S100PBP: variants seen among roughly 807,000 people sequenced by gnomAD.
The protein encoded by S100PBP is S100P-binding protein.
In S100PBP, 15 loss-of-function variants were observed where a neutral mutation model predicts 39.9. The observed-to-expected ratio is 0.38, with a 90% CI of 0.25 to 0.58. The LOEUF is 0.58. Among genes scored for constraint, S100PBP ranks in the 20% least tolerant of loss-of-function variants. S100PBP has a pLI of 0.70. For missense variants in S100PBP, 504 were observed against 487.3 expected, an observed-to-expected ratio of 1.03 and a Z score of -0.32; for synonymous variants, 178 against 180.3, an observed-to-expected ratio of 0.99 and a Z score of 0.10.
chr1:32,849,760 A>G (rs1013158361), intron 5 of S100PBP, among the ~76,000 whole-genome samples: 138 of 152,294 alleles, frequency 9.1e-4, no homozygotes, highest in African/African-American at 3.1e-3. Context: ...CTCCCAGAAA[A>G]TTTTTTAAGG....
At chr1:32,850,256 A>G (rs999966941) in intron 5 of S100PBP, among the ~76,000 whole-genome samples, 1 of 152,204 alleles carries the variant, frequency 6.6e-6, no homozygotes, top group Non-Finnish European at 1.5e-5. Flanking sequence ...CAGAATTTCC[A>G]TATATTGCTA....
At chr1:32,848,553 A>G (rs1640480110) in intron 5 of S100PBP, among the ~76,000 whole-genome samples, 1 of 152,152 alleles carries the variant, frequency 6.6e-6, no homozygotes, top group African/African-American at 2.4e-5. Flanking sequence ...CTTCTAGGTC[A>G]TTATGTCATT....
upstream of S100PBP, chr1:32,817,334 C>T (rs976211342): frequency 4.5e-6 from 7 of 1,543,460 alleles, no homozygotes; most frequent in African/African-American, 9.5e-5. Flanking sequence ...AACTGTCACG[C>T]GAGTCCAGCC....
chr1:32,845,706 A>T (rs1640338409), intron 5 of S100PBP, among the ~76,000 whole-genome samples: 1 of 150,480 alleles, frequency 6.6e-6, no homozygotes, highest in African/African-American at 2.4e-5. Flanking sequence ...TTTAAGATAA[A>T]GCCTTGCTCT....
chr1:32,829,811 A>T (rs911488563), intron 4 of S100PBP, among the ~76,000 whole-genome samples, 153 bp from the exon 5 acceptor site: 1 of 152,100 alleles, frequency 6.6e-6, no homozygotes, highest in South Asian at 2.1e-4. Flanking sequence ...TTTGTGTATG[A>T]CTAATACTGT....
chr1:32,821,720 C>T (rs775818510), intron 1 of S100PBP, among the ~76,000 whole-genome samples: 10 of 151,252 alleles, frequency 6.6e-5, no homozygotes, highest in South Asian at 2.1e-4. Context: ...CTGCAACCTC[C>T]GCCTCCTGGG....
Position 32,858,384 on chromosome 1 carries a change from G to A in S100PBP, c.*2346G>A, listed in dbSNP as rs564446316. On this transcript the variant is annotated 3_prime_UTR_variant, in exon 7 of 7. Transcript: ENST00000373475. ...GCTTAATTAAATCTGTTGGACTGGG[G>A]GAGGAGAGAGCTGTTCTCTAGTGGT... The A allele has an allele frequency of 6.5e-6, 1 of 152,772 alleles. No homozygotes were observed. The highest frequency in any genetic ancestry group is 2.1e-4 in the South Asian group (1 of 4,832). The allele number at this position is 152,772 out of a possible 1,614,324, so 9.5% of individuals were successfully genotyped here.
At chr1:32,849,673 C>G (rs1640531349) in intron 5 of S100PBP, among the ~76,000 whole-genome samples, 1 of 152,132 alleles carries the variant, frequency 6.6e-6, no homozygotes, top group Non-Finnish European at 1.5e-5. Context: ...GAGCTGAGAT[C>G]TAATTATTGA....
At position 32,826,602 on chromosome 1, in the gene S100PBP, C is replaced by G; in HGVS notation, c.503C>G (p.Ser168Cys). 1 of 1,613,904 alleles carries G rather than the reference C, an allele frequency of 6.2e-7. No individual in the cohort carries two copies. The highest frequency in any genetic ancestry group is 8.5e-7 in the Non-Finnish European group (1 of 1,180,010). Reference sequence around the variant, plus strand: ...CTTGATAAGGACGAGACTGATTCGTCCAAAGATACTGAAAAACTCTCTTCC... The same window carrying G: ...CTTGATAAGGACGAGACTGATTCGTGCAAAGATACTGAAAAACTCTCTTCC... Reference protein sequence around the residue: ...ALLDKDETDSSKDTEKLSSLG... With the variant: ...ALLDKDETDSCKDTEKLSSLG... The change falls in exon 3 of 7, where the codon TCC becomes TGC. Residue 168 changes from serine to cysteine, a missense_variant. Coordinates refer to ENST00000373475, the MANE Select transcript of S100PBP (RefSeq NM_022753.4).
intron 1 of S100PBP, among the ~76,000 whole-genome samples, chr1:32,823,354 A>G (rs74927613): frequency 0.018 from 2,740 of 152,362 alleles, 86 homozygotes; most frequent in African/African-American, 0.061. Flanking sequence ...AAAGAAATGA[A>G]TAACTCAGTC....
intron 1 of S100PBP, among the ~76,000 whole-genome samples, chr1:32,821,016 TG>T (rs1639032533): frequency 6.6e-6 from 1 of 151,306 alleles, no homozygotes; most frequent in Non-Finnish European, 1.5e-5. Context: ...AGTAACATAA[TG>T]AACATTATTA....
intron 5 of S100PBP, chr1:32,835,833 C>T (rs941155000): frequency 6.6e-6 from 1 of 151,890 alleles, no homozygotes; most frequent in South Asian, 2.1e-4. Flanking sequence ...TGTATATATA[C>T]ACACCATTTT....
At position 32,858,157 on chromosome 1, in the gene S100PBP, G is replaced by T. The variant is rs965834771; in HGVS notation, c.*2119G>T. ...GGGAACTGTAGTCTAGTTCCCTACA[G>T]AAAACCCAAGGAGTGAAGGGACAGG... On this transcript the variant is annotated 3_prime_UTR_variant, in exon 7 of 7. Coordinates refer to ENST00000373475, the MANE Select transcript of S100PBP (RefSeq NM_022753.4). 2.0e-5 allele frequency: 3 copies of T among 152,658 alleles called. No homozygotes were observed. The highest frequency in any genetic ancestry group is 7.2e-5 in the African/African-American group (3 of 41,464). The allele number at this position is 152,658 out of a possible 1,614,324, so 9.5% of individuals were successfully genotyped here. A position where few individuals can be genotyped will look rare whatever the true frequency, so the allele number is the denominator to read the frequency against.
At chr1:32,847,633 A>G (rs1640436716) in intron 5 of S100PBP, 1 of 152,212 alleles carries the variant, frequency 6.6e-6, no homozygotes, top group Non-Finnish European at 1.5e-5. Flanking sequence ...GAATTACATA[A>G]TAACTCCTGT....
chr1:32,817,920 G>A (rs1484645936), intron 1 of S100PBP: 3 of 153,514 alleles, frequency 2.0e-5, no homozygotes, highest in Non-Finnish European at 4.4e-5. Flanking sequence ...CCCCGCTGAG[G>A]AAAAGGGAAG....
chr1:32,838,363 A>C lies in S100PBP; in HGVS notation c.1024+8296A>C, dbSNP rs960256044. 1.6e-4 allele frequency among the ~76,000 whole-genome samples: 25 copies of C among 151,660 alleles called. 1 individual carries two copies. Among genetic ancestry groups the C allele is most frequent in the Admixed American group, 1.4e-3 (21 of 15,244 alleles). On this transcript the variant is annotated intron_variant, in intron 5 of 6. Coordinates refer to ENST00000373475, the MANE Select transcript of S100PBP (RefSeq NM_022753.4). Reference sequence around the variant, plus strand: ...AAAAAAAAAAAAAAAAGAAAAGAAAAGAAACTGCCAAACTGTTCCCAAGTA... The same window carrying C: ...AAAAAAAAAAAAAAAAGAAAAGAAACGAAACTGCCAAACTGTTCCCAAGTA...
intron 1 of S100PBP, chr1:32,824,950 GA>G (rs1466659769): frequency 2.0e-5 from 3 of 151,634 alleles, no homozygotes; most frequent in Admixed American, 2.0e-4. Context: ...TGTAAATGAG[GA>G]AACAAGTCTA....
rs1640891703 is a variant in S100PBP, at chr1:32,858,248, G to A, written c.*2210G>A. 6.6e-6 allele frequency: 1 copy of A among 152,646 alleles called. No individual in the cohort carries two copies. The highest frequency in any genetic ancestry group is 2.1e-4 in the South Asian group (1 of 4,824). 9.5% of individuals were successfully genotyped at this position (152,646 alleles called of 1,614,324 possible). A position where few individuals can be genotyped will look rare whatever the true frequency, so the allele number is the denominator to read the frequency against. Reference sequence around the variant, plus strand: ...TACATGGGGTTTTAAGACTGAATGTGTAATAGGAGCACTGCCTTTGCCAAA... The same window carrying A: ...TACATGGGGTTTTAAGACTGAATGTATAATAGGAGCACTGCCTTTGCCAAA... On this transcript the variant is annotated 3_prime_UTR_variant, in exon 7 of 7. Transcript: ENST00000373475.
intron 5 of S100PBP, chr1:32,842,794 C>T (rs935056911): frequency 2.6e-5 from 4 of 152,076 alleles, no homozygotes; most frequent in Non-Finnish European, 5.9e-5. Context: ...CAGGGTTTCA[C>T]CAAGTTGGCC....
Sources: allele counts gnomAD v4.1 joint callset (sites outside exome capture counted in the v4.1 genomes callset), GRCh38; gene constraint gnomAD v4.1.1; transcripts MANE v1.5; gene names NCBI Gene and HGNC (gene_info 2026-07-23, HGNC 2026-07-21).